Variants in RAF1 observed in about 807,000 individuals in gnomAD.
RAF1 encodes Raf-1 proto-oncogene, serine/threonine kinase.
Under a neutral mutation model 81.1 loss-of-function variants are expected in RAF1, and 27 were observed. That is an observed-to-expected ratio of 0.33 (90% confidence interval 0.25 to 0.46). The LOEUF is 0.46. RAF1 is among the 20% of genes least tolerant of loss of function. RAF1 has a pLI of 1.00. For missense variants in RAF1, 598 were observed against 826.0 expected (o/e 0.72, Z 3.38); for synonymous variants, 298 against 294.0 (o/e 1.01, Z -0.14).
chr3:12,654,611 A>T (rs1001095272), intron 1 of RAF1, among the ~76,000 whole-genome samples: 1 of 151,478 alleles, frequency 6.6e-6, no homozygotes, highest in East Asian at 2.0e-4. Context: ...CTCACAACAC[A>T]AAAAAAGGGT....
chr3:12,583,619 T>C lies in RAF1; in HGVS notation c.*895A>G, dbSNP rs2058208798. The C allele has an allele frequency of 1.3e-5, 3 of 232,066 alleles. No individual in the cohort carries two copies. The highest frequency in any genetic ancestry group is 2.6e-5 in the Non-Finnish European group (3 of 117,332). The allele number at this position is 232,066 out of a possible 1,614,324, so 14.4% of individuals were successfully genotyped here. On this transcript the variant is annotated 3_prime_UTR_variant, in exon 18 of 18. Coordinates refer to ENST00000442415, the MANE Select transcript of RAF1 (RefSeq NM_001354689.3). ...CCAGCCATTACACCTAAATTTAATT[T>C]ATTTTATTAAAATAACATAATTGAG...
intron 1 of RAF1, among the ~76,000 whole-genome samples, chr3:12,625,106 C>T (rs956043779): frequency 6.6e-6 from 1 of 151,418 alleles, no homozygotes; most frequent in Non-Finnish European, 1.5e-5. Context: ...TTTTTTGAGG[C>T]GGAATCTCAC....
intron 2 of RAF1, among the ~76,000 whole-genome samples, chr3:12,614,413 C>CGTGT (rs959212902): frequency 9.9e-6 from 1 of 100,698 alleles, no homozygotes; most frequent in African/African-American, 3.4e-5. Flanking sequence ...TACGTGCGTG[C>CGTGT]GTGTGTGTGT....
chr3:12,603,563 G>A, intron 7 of RAF1: 3 of 693,494 alleles, frequency 4.3e-6, no homozygotes, highest in Non-Finnish European at 2.6e-6. Flanking sequence ...GAGAAATAAA[G>A]AAGAATAAAG....
intron 1 of RAF1, among the ~76,000 whole-genome samples, chr3:12,630,031 C>T (rs2125493735): frequency 6.6e-6 from 1 of 152,342 alleles, no homozygotes; most frequent in East Asian, 1.9e-4. Flanking sequence ...ACCCTCCCAC[C>T]TCAGCCTCCC....
intron 1 of RAF1, among the ~76,000 whole-genome samples, chr3:12,642,013 T>A (rs1352021369): frequency 6.6e-6 from 1 of 151,706 alleles, no homozygotes; most frequent in Non-Finnish European, 1.5e-5. Flanking sequence ...CTGGGCATAG[T>A]GGCAGGCACC....
At chr3:12,611,885 A>G (rs947492757) in intron 3 of RAF1, 65 bp downstream of exon 3, 1 of 1,100,924 alleles carries the variant, frequency 9.1e-7, no homozygotes, top group Non-Finnish European at 1.4e-6. Flanking sequence ...TAATACAAAC[A>G]TAGCTATTTG....
intron 2 of RAF1, among the ~76,000 whole-genome samples, chr3:12,612,637 G>T (rs549157594): frequency 7.4e-6 from 1 of 135,848 alleles, no homozygotes. Context: ...TGACAAGAAC[G>T]AGACTCCGTC....
intron 2 of RAF1, among the ~76,000 whole-genome samples, chr3:12,613,391 A>G (rs2059275226): frequency 6.6e-6 from 1 of 152,126 alleles, no homozygotes; most frequent in Admixed American, 6.5e-5. Flanking sequence ...AGCTGACAGC[A>G]GCCAGCCAAC....
chr3:12,620,478 A>G (rs910060678), intron 1 of RAF1, among the ~76,000 whole-genome samples: 9 of 151,560 alleles, frequency 5.9e-5, no homozygotes, highest in Admixed American at 5.9e-4. Flanking sequence ...TTTTTAATTA[A>G]TTTATTTTCT....
chr3:12,642,120 C>T (rs918888900), intron 1 of RAF1, among the ~76,000 whole-genome samples: 4 of 151,726 alleles, frequency 2.6e-5, no homozygotes, highest in Admixed American at 2.6e-4. Flanking sequence ...TGCACTCCAG[C>T]CTGGGCAACA....
chr3:12,636,710 G>C (rs781191583), intron 1 of RAF1, among the ~76,000 whole-genome samples: 2 of 152,020 alleles, frequency 1.3e-5, no homozygotes, highest in Non-Finnish European at 2.9e-5. Flanking sequence ...GGGCGGCTGA[G>C]AGGGGAGAAT....
In RAF1 at chr3:12,617,612, G is replaced by A. The variant is rs150833917; in HGVS notation, c.207+903C>T. 2.6e-3 allele frequency among the ~76,000 whole-genome samples: 402 copies of A among 152,200 alleles called. 1 individual carries two copies. The highest frequency in any genetic ancestry group is 4.9e-3 in the Non-Finnish European group (334 of 68,018). On this transcript the variant is annotated intron_variant, in intron 2 of 17. Coordinates refer to ENST00000442415, the MANE Select transcript of RAF1 (RefSeq NM_001354689.3). Reference sequence around the variant, plus strand: ...TTGAAGTTTTGTTATCAGGCTGGGCGTGGTGTCTCATGTTGGTAATCCCAG... The same window carrying A: ...TTGAAGTTTTGTTATCAGGCTGGGCATGGTGTCTCATGTTGGTAATCCCAG...
chr3:12,629,832 T>C (rs1162757279), intron 1 of RAF1, among the ~76,000 whole-genome samples: 1 of 152,194 alleles, frequency 6.6e-6, no homozygotes, highest in Non-Finnish European at 1.5e-5. Context: ...GTTGCCCAGG[T>C]TGGAGTGCAG....
At position 12,611,886 on chromosome 3, in the gene RAF1, T is replaced by C. The variant is rs2059220551; in HGVS notation, c.320+64A>G. The C allele has an allele frequency of 9.0e-6, 10 of 1,106,428 alleles. No individual in the cohort carries two copies. In the Middle Eastern group the frequency reaches 9.8e-4, roughly 108 times the overall value. 68.5% of individuals were successfully genotyped at this position (1,106,428 alleles called of 1,614,324 possible). ...AAGCTAGTACAATTTAATACAAACA[T>C]AGCTATTTGAAGCTAGAAGATCCTT... On this transcript the variant is annotated intron_variant, in intron 3 of 17. Coordinates refer to ENST00000442415, the MANE Select transcript of RAF1 (RefSeq NM_001354689.3).
intron 1 of RAF1, among the ~76,000 whole-genome samples, chr3:12,629,796 T>G (rs1559462643): frequency 6.6e-6 from 1 of 152,226 alleles, no homozygotes; most frequent in East Asian, 1.9e-4. Context: ...TTGTTTATTT[T>G]TCTAAGGCAT....
chr3:12,609,610 C>T (rs575177632), intron 3 of RAF1, among the ~76,000 whole-genome samples: 1 of 152,224 alleles, frequency 6.6e-6, no homozygotes, highest in Admixed American at 6.5e-5. Flanking sequence ...CTCCAAAGCC[C>T]ATGTTCTCAG....
intron 11 of RAF1, 109 bp from the exon 11 acceptor site, chr3:12,591,901 C>A: frequency 1.1e-6 from 1 of 894,866 alleles, no homozygotes; most frequent in Admixed American, 1.9e-5. Context: ...AATCACATAC[C>A]TACACAGATA....
intron 1 of RAF1, among the ~76,000 whole-genome samples, chr3:12,655,314 G>C (rs2060656652): frequency 6.6e-6 from 1 of 152,260 alleles, no homozygotes; most frequent in Middle Eastern, 3.4e-3. Flanking sequence ...TCGAACTCCT[G>C]ACCTCAGGTG....
Sources: allele counts gnomAD v4.1 joint callset (sites outside exome capture counted in the v4.1 genomes callset), GRCh38; gene constraint gnomAD v4.1.1; transcripts MANE v1.5; gene names NCBI Gene and HGNC (gene_info 2026-07-23, HGNC 2026-07-21).